The following PC variants were observed in gnomAD, a reference collection of about 807,000 sequenced individuals.
PC encodes the protein pyruvate carboxylase, mitochondrial.
A neutral mutation model predicts 107.8 loss-of-function variants in PC; 46 were observed. The ratio of observed to expected loss-of-function variants is 0.43; its 90% CI spans 0.34 to 0.55. PC has a LOEUF of 0.55. PC is among the 20% of genes least tolerant of loss of function. The pLI, the probability that PC is intolerant of heterozygous loss-of-function variation, is 0.04. For synonymous variants in PC, 662 were observed against 684.7 expected, an observed-to-expected ratio of 0.97 and a Z score of 0.52; for missense variants, 1,241 against 1,643.1, an observed-to-expected ratio of 0.76 and a Z score of 4.23.
chr11:66,878,453 AG>A (rs1414414391), intron 3 of PC, among the ~76,000 whole-genome samples: 1 of 152,246 alleles, frequency 6.6e-6, no homozygotes, highest in Admixed American at 6.5e-5. Flanking sequence ...AGCCTCTGGA[AG>A]GCTGCACCCT....
At chr11:66,926,366 A>G (rs1353130978) in intron 3 of PC, among the ~76,000 whole-genome samples, 1 of 152,236 alleles carries the variant, frequency 6.6e-6, no homozygotes, top group East Asian at 1.9e-4. Flanking sequence ...TTTATAGAGT[A>G]CTTCTTAAGT....
chr11:66,925,225 A>G (rs187527182), intron 3 of PC, among the ~76,000 whole-genome samples: 1 of 152,302 alleles, frequency 6.6e-6, no homozygotes, highest in East Asian at 1.9e-4. Flanking sequence ...ATGGTTTGAG[A>G]GCAGACAACT....
intron 1 of PC, chr11:66,957,800 G>T (rs1949602516): frequency 2.0e-5 from 3 of 152,282 alleles, no homozygotes; most frequent in Non-Finnish European, 4.4e-5. Flanking sequence ...TTCCCCGTCT[G>T]AAACAAAGTA....
intron 3 of PC, among the ~76,000 whole-genome samples, chr11:66,935,818 G>A (rs920018194): frequency 2.0e-5 from 3 of 152,168 alleles, no homozygotes; most frequent in African/African-American, 7.2e-5. Context: ...GCCAAGTGCT[G>A]TAGCTCATGC....
At chr11:66,898,000 GAAT>G (rs1947816390) in intron 3 of PC, among the ~76,000 whole-genome samples, 1 of 152,158 alleles carries the variant, frequency 6.6e-6, no homozygotes, top group Admixed American at 6.5e-5. Flanking sequence ...GCAAACTCAA[GAAT>G]AATTAAGGCT....
intron 12 of PC, among the ~76,000 whole-genome samples, chr11:66,863,004 G>A (rs1324003674): frequency 6.6e-6 from 1 of 152,180 alleles, no homozygotes; most frequent in Non-Finnish European, 1.5e-5. Flanking sequence ...CATGACTTGG[G>A]CTCTTGCCTG....
intron 3 of PC, among the ~76,000 whole-genome samples, chr11:66,938,284 T>C (rs1255610354): frequency 6.6e-6 from 1 of 152,216 alleles, no homozygotes; most frequent in Non-Finnish European, 1.5e-5. Context: ...CTTTGGTTAA[T>C]TTCTCGAGTT....
intron 3 of PC, among the ~76,000 whole-genome samples, chr11:66,890,947 A>C (rs1326519924): frequency 6.6e-6 from 1 of 152,184 alleles, no homozygotes; most frequent in Non-Finnish European, 1.5e-5. Context: ...GTCGATTAAA[A>C]GTGTTAAAAA....
At chr11:66,908,059 G>A (rs1006132751) in intron 3 of PC, among the ~76,000 whole-genome samples, 2 of 152,144 alleles carry the variant, frequency 1.3e-5, no homozygotes, top group Admixed American at 6.5e-5. Flanking sequence ...ACAAACACTA[G>A]GTCAGGGGTG....
chr11:66,955,197 A>G (rs1949530972), intron 1 of PC, among the ~76,000 whole-genome samples: 1 of 152,136 alleles, frequency 6.6e-6, no homozygotes, highest in Non-Finnish European at 1.5e-5. Context: ...TCCTGGCACT[A>G]TTAGGTACTG....
At chr11:66,900,496 G>C (rs1349098641) in intron 3 of PC, among the ~76,000 whole-genome samples, 1 of 151,954 alleles carries the variant, frequency 6.6e-6, no homozygotes, top group African/African-American at 2.4e-5. Flanking sequence ...TGGTTGTTCT[G>C]GTTCCCTTAC....
chr11:66,865,619 A>G (rs1946460243), intron 11 of PC, among the ~76,000 whole-genome samples: 2 of 152,050 alleles, frequency 1.3e-5, no homozygotes, highest in Admixed American at 1.3e-4. Flanking sequence ...GGACCGCCTC[A>G]GCGCCCCCTA....
chr11:66,925,177 G>A (rs1166232557), intron 3 of PC, among the ~76,000 whole-genome samples: 6 of 152,180 alleles, frequency 3.9e-5, no homozygotes, highest in Middle Eastern at 3.4e-3. Flanking sequence ...ATGAAGTTTC[G>A]GGCACGCATT....
chr11:66,848,849 A>T lies in PC; in HGVS notation c.*50T>A. On this transcript the variant is annotated 3_prime_UTR_variant, in exon 23 of 23. Coordinates refer to ENST00000393960, the MANE Select transcript of PC (RefSeq NM_001040716.2). ...TGGCCTGGGCCTGCCGTGGCAGCAC[A>T]GCTTCTGTTGAAGGCTTGGGGATGG... is the stretch of plus-strand genomic sequence containing the variant. 3 of 1,612,230 alleles carry T rather than the reference A, an allele frequency of 1.9e-6. No individual in the cohort carries two copies. The highest frequency in any genetic ancestry group is 2.5e-6 in the Non-Finnish European group (3 of 1,179,778).
chr11:66,928,380 C>T (rs1387575539), intron 3 of PC, among the ~76,000 whole-genome samples: 7 of 106,540 alleles, frequency 6.6e-5, no homozygotes, highest in African/African-American at 1.5e-4. Context: ...AGTGAGACTC[C>T]ATCTCAAAAA....
chr11:66,876,284 A>G (rs1036100995), intron 3 of PC, among the ~76,000 whole-genome samples: 1 of 152,246 alleles, frequency 6.6e-6, no homozygotes, highest in Non-Finnish European at 1.5e-5. Context: ...GAGGAACTCA[A>G]GGGTCCACGA....
At chr11:66,939,296 C>T (rs1031142942) in intron 3 of PC, among the ~76,000 whole-genome samples, 1 of 152,140 alleles carries the variant, frequency 6.6e-6, no homozygotes, top group Non-Finnish European at 1.5e-5. Context: ...ATTTAAAGTA[C>T]ACAAGATGAT....
At chr11:66,921,996 A>G (rs999955040) in intron 3 of PC, among the ~76,000 whole-genome samples, 6 of 152,054 alleles carry the variant, frequency 3.9e-5, no homozygotes, top group African/African-American at 1.4e-4. Flanking sequence ...CCCTCACCCC[A>G]TCTTCCTCAT....
intron 3 of PC, among the ~76,000 whole-genome samples, chr11:66,876,488 G>A (rs1481776628): frequency 1.3e-5 from 2 of 152,236 alleles, no homozygotes; most frequent in East Asian, 1.9e-4. Context: ...AATGCCGCTG[G>A]AGGAGATAAC....
Sources: gnomAD v4.1 joint callset for allele counts (sites outside exome capture counted in the v4.1 genomes callset) on GRCh38, gnomAD v4.1.1 for gene constraint, MANE v1.5 for transcripts, NCBI Gene and HGNC (gene_info 2026-07-23, HGNC 2026-07-21) for gene names.